The following KCNMA1 variants were observed in gnomAD, a reference collection of about 807,000 sequenced individuals.
KCNMA1 encodes Calcium-activated potassium channel subunit alpha-1.
A neutral mutation model predicts 140.0 loss-of-function variants in KCNMA1; 29 were observed. The observed-to-expected ratio is 0.21, with a 90% CI of 0.15 to 0.28. The LOEUF is 0.28. Ranked by LOEUF, KCNMA1 falls within the 10% of genes least tolerant of loss-of-function variation. The probability of loss-of-function intolerance (pLI) is 1.00; values close to 1 mark genes in which losing one functional copy is unlikely to be tolerated. For synonymous variants in KCNMA1, 612 were observed against 611.9 expected (o/e 1.00, Z 0.00); for missense variants, 880 against 1,602.2 (o/e 0.55, Z 7.70).
chr10:77,240,667 G>A (rs2057038339), intron 3 of KCNMA1, among the ~76,000 whole-genome samples: 1 of 152,162 alleles, frequency 6.6e-6, no homozygotes, highest in Non-Finnish European at 1.5e-5. Flanking sequence ...GCAGTATTCT[G>A]TCTCCTCTTT....
chr10:77,045,595 G>A (rs183521088), intron 14 of KCNMA1, among the ~76,000 whole-genome samples: 2 of 152,324 alleles, frequency 1.3e-5, no homozygotes, highest in Admixed American at 1.3e-4. Context: ...CCCATCAAAT[G>A]TACCTTCCAA....
At chr10:77,592,074 C>T (rs1212798381) in intron 1 of KCNMA1, among the ~76,000 whole-genome samples, 2 of 152,134 alleles carry the variant, frequency 1.3e-5, no homozygotes, top group Non-Finnish European at 2.9e-5. Flanking sequence ...CACAAGTGAA[C>T]GAGACCAATG....
At chr10:77,172,443 G>A (rs2098715868) in intron 5 of KCNMA1, among the ~76,000 whole-genome samples, 1 of 152,078 alleles carries the variant, frequency 6.6e-6, no homozygotes, top group Non-Finnish European at 1.5e-5. Context: ...AATATCAAGG[G>A]AACACAATTG....
At chr10:77,599,341 T>C (rs972464796) in intron 1 of KCNMA1, among the ~76,000 whole-genome samples, 1 of 152,194 alleles carries the variant, frequency 6.6e-6, no homozygotes, top group African/African-American at 2.4e-5. Flanking sequence ...CTGTTGCTTC[T>C]AATAATTTAT....
intron 1 of KCNMA1, among the ~76,000 whole-genome samples, chr10:77,547,732 A>G (rs1426454635): frequency 6.6e-6 from 1 of 152,198 alleles, no homozygotes; most frequent in Non-Finnish European, 1.5e-5. Context: ...TTTCTCTTGG[A>G]TTATCTGACT....
intron 25 of KCNMA1, among the ~76,000 whole-genome samples, chr10:76,909,366 A>G (rs78306024): frequency 0.049 from 7,435 of 152,194 alleles, 237 homozygotes; most frequent in Middle Eastern, 0.14. Context: ...TCCTCCCTAC[A>G]ACAGCCAAGG....
intron 5 of KCNMA1, among the ~76,000 whole-genome samples, chr10:77,152,622 A>G (rs1903895): frequency 1.3e-5 from 2 of 152,016 alleles, no homozygotes; most frequent in Non-Finnish European, 2.9e-5. Flanking sequence ...CATTGATCCA[A>G]CACCTCCTGT....
chr10:77,457,405 G>C (rs902417120), intron 1 of KCNMA1, among the ~76,000 whole-genome samples: 5 of 151,946 alleles, frequency 3.3e-5, no homozygotes, highest in African/African-American at 1.2e-4. Context: ...ATCACCTCTG[G>C]GTATCCTGCC....
At chr10:77,347,165 A>AC (rs1216366087) in intron 2 of KCNMA1, among the ~76,000 whole-genome samples, 2 of 152,104 alleles carry the variant, frequency 1.3e-5, no homozygotes, top group Non-Finnish European at 2.9e-5. Flanking sequence ...TTCGTAAAGC[A>AC]CCCTAGCACA....
downstream of KCNMA1, among the ~76,000 whole-genome samples, chr10:76,882,979 G>C (rs2035268527): frequency 6.6e-6 from 1 of 152,226 alleles, no homozygotes; most frequent in Non-Finnish European, 1.5e-5. Flanking sequence ...GGAGCCTGTT[G>C]CTATAGGAAC....
chr10:76,894,414 A>G (rs2041605137), intron 25 of KCNMA1, among the ~76,000 whole-genome samples: 1 of 152,214 alleles, frequency 6.6e-6, no homozygotes. Context: ...ATGACCTTTG[A>G]TTTGGCAATA....
At chr10:77,038,450 G>T (rs2153574813) in intron 15 of KCNMA1, among the ~76,000 whole-genome samples, 1 of 152,318 alleles carries the variant, frequency 6.6e-6, no homozygotes, top group East Asian at 1.9e-4. Flanking sequence ...TAAGGTGTCA[G>T]GAGAATAGGC....
intron 14 of KCNMA1, among the ~76,000 whole-genome samples, chr10:77,067,706 C>A (rs2096011540): frequency 6.6e-6 from 1 of 152,202 alleles, no homozygotes; most frequent in Non-Finnish European, 1.5e-5. Context: ...CCTGACTCAG[C>A]CCAGCCTAGG....
chr10:77,174,285 T>G (rs184963663), intron 5 of KCNMA1, among the ~76,000 whole-genome samples: 5 of 152,282 alleles, frequency 3.3e-5, no homozygotes, highest in African/African-American at 1.2e-4. Flanking sequence ...ATTTATTTCT[T>G]TTAGATATAG....
intron 24 of KCNMA1, chr10:76,914,072 T>C: frequency 6.5e-7 from 1 of 1,550,264 alleles, no homozygotes; most frequent in Non-Finnish European, 8.7e-7. Context: ...TCAGTTATCA[T>C]TAGAATGTGC....
intron 2 of KCNMA1, among the ~76,000 whole-genome samples, chr10:77,327,337 C>G (rs1320373660): frequency 2.6e-5 from 4 of 151,388 alleles, no homozygotes; most frequent in African/African-American, 9.7e-5. Context: ...ATCTTTGCTG[C>G]TGTTTTTGTT....
chr10:77,317,456 C>T (rs577649710), intron 2 of KCNMA1, among the ~76,000 whole-genome samples: 8 of 152,258 alleles, frequency 5.3e-5, no homozygotes, highest in Non-Finnish European at 1.0e-4. Flanking sequence ...GTGGTTTCAT[C>T]GGGAGTGTTA....
At chr10:77,159,872 C>A (rs1173158590) in intron 5 of KCNMA1, among the ~76,000 whole-genome samples, 3 of 152,166 alleles carry the variant, frequency 2.0e-5, no homozygotes, top group African/African-American at 4.8e-5. Flanking sequence ...CAGCCCTTGT[C>A]CCTTTTCTTT....
At chr10:76,900,130 G>A (rs541318500) in intron 25 of KCNMA1, among the ~76,000 whole-genome samples, 10 of 151,982 alleles carry the variant, frequency 6.6e-5, no homozygotes, top group African/African-American at 2.4e-4. Context: ...TTTATAAAAT[G>A]TAGAGATCAT....
Sources: gnomAD v4.1 joint callset for allele counts (sites outside exome capture counted in the v4.1 genomes callset) on GRCh38, gnomAD v4.1.1 for gene constraint, MANE v1.5 for transcripts, NCBI Gene and HGNC (gene_info 2026-07-23, HGNC 2026-07-21) for gene names.